FBXL2: variants seen among roughly 807,000 people sequenced by gnomAD.
FBXL2 encodes the protein F-box and leucine rich repeat protein 2, also known as F-box/LRR-repeat protein 2.
In FBXL2, 38 loss-of-function variants were observed where a neutral mutation model predicts 69.2. The observed-to-expected ratio is 0.55, with a 90% CI of 0.42 to 0.72. The LOEUF (loss-of-function observed/expected upper bound fraction) is 0.72. FBXL2 is among the 30% of genes least tolerant of loss of function. The pLI is 0.00. For missense variants in FBXL2, 354 were observed against 520.3 expected (o/e 0.68, Z 3.11); for synonymous variants, 192 against 201.3 (o/e 0.95, Z 0.39).
At chr3:33,391,749 G>A (rs1030157048), downstream of FBXL2, 4 of 152,298 alleles carry the variant, frequency 2.6e-5, no homozygotes, top group South Asian at 2.1e-4. Context: ...CTCCTGCCTC[G>A]TTTTGCCACC....
the FBXL2 span, among the ~76,000 whole-genome samples, chr3:33,421,762 A>G: frequency 6.6e-6 from 1 of 152,130 alleles, no homozygotes; most frequent in Admixed American, 6.5e-5. Context: ...AAGAATGACC[A>G]TTTCGGCTGG....
chr3:33,413,501 C>T, the FBXL2 span, among the ~76,000 whole-genome samples: 3 of 146,802 alleles, frequency 2.0e-5, no homozygotes, highest in Non-Finnish European at 4.5e-5. Context: ...GAGCCAAGTT[C>T]GCACCACTGC....
chr3:33,342,153 T>C lies in FBXL2; in HGVS notation c.66-16814T>C, dbSNP rs2040077228. 3.3e-5 allele frequency among the ~76,000 whole-genome samples: 5 copies of C among 151,264 alleles called. No individual in the cohort carries two copies. The South Asian group carries it at 1.0e-3, about 32-fold the overall frequency. ...TGGAGTAGCTGGGACTACAGGTGCCTGATACTACGCCCGGCTAATTTTTTG... is the reference window on the plus strand; with the variant it reads ...TGGAGTAGCTGGGACTACAGGTGCCCGATACTACGCCCGGCTAATTTTTTG... On this transcript the variant is annotated intron_variant, in intron 2 of 14. Coordinates refer to ENST00000484457, the MANE Select transcript of FBXL2 (RefSeq NM_012157.5).
intron 14 of FBXL2, among the ~76,000 whole-genome samples, chr3:33,384,510 C>G (rs1011355235): frequency 6.6e-6 from 1 of 151,982 alleles, no homozygotes; most frequent in Non-Finnish European, 1.5e-5. Context: ...GCAGTGAGCC[C>G]AGACTGCACC....
At chr3:33,295,246 A>G (rs571619404) in intron 1 of FBXL2, among the ~76,000 whole-genome samples, 1 of 152,142 alleles carries the variant, frequency 6.6e-6, no homozygotes, top group South Asian at 2.1e-4. Flanking sequence ...CCTCATATAC[A>G]CTCACAGTCA....
intron 2 of FBXL2, among the ~76,000 whole-genome samples, chr3:33,357,498 C>A (rs2041284611): frequency 6.7e-6 from 1 of 149,504 alleles, no homozygotes; most frequent in South Asian, 2.1e-4. Context: ...TTTTAGCCAC[C>A]AGCATTTTTC....
chr3:33,405,317 A>G (rs2044388543), downstream of FBXL2, among the ~76,000 whole-genome samples: 1 of 152,228 alleles, frequency 6.6e-6, no homozygotes, highest in South Asian at 2.1e-4. Context: ...GAATTTTTTG[A>G]ATGAACAATA....
At chr3:33,363,143 C>T (rs931841337) in intron 4 of FBXL2, among the ~76,000 whole-genome samples, 3 of 152,142 alleles carry the variant, frequency 2.0e-5, no homozygotes, top group Admixed American at 6.6e-5. Flanking sequence ...CAGGCTCAAG[C>T]GGTTCTCCTA....
chr3:33,382,683 C>G (rs1264510044), intron 13 of FBXL2: 2 of 152,204 alleles, frequency 1.3e-5, no homozygotes, highest in African/African-American at 4.8e-5. Context: ...GCATTTCAGT[C>G]AGAAACATCG....
In FBXL2 at chr3:33,400,939, A is replaced by G. The variant is rs763142474; in HGVS notation, n.1215-2295A>G. 3.8e-6 allele frequency: 6 copies of G among 1,589,358 alleles called. No homozygotes were observed. In the South Asian group the frequency reaches 7.0e-5, roughly 19 times the overall value. ...ATGTAGAACCCTGAAAGCATCAGAT[A>G]GTTTTAGGAGAAAGATACTTACTTC... On this transcript the variant is annotated intron_variant and non_coding_transcript_variant, in intron 12 of 12. Coordinates refer to the FBXL2 transcript ENST00000463736.
intron 13 of FBXL2, among the ~76,000 whole-genome samples, chr3:33,379,867 T>C (rs948706422): frequency 6.6e-6 from 1 of 152,168 alleles, no homozygotes; most frequent in African/African-American, 2.4e-5. Flanking sequence ...AACTGACTGA[T>C]GTAATCAACC....
intron 2 of FBXL2, among the ~76,000 whole-genome samples, chr3:33,309,108 T>C (rs2036962547): frequency 6.6e-6 from 1 of 152,162 alleles, no homozygotes; most frequent in Admixed American, 6.5e-5. Context: ...TCAAGTGTAG[T>C]TCAAGTACAA....
At chr3:33,326,500 C>T (rs377155809) in intron 2 of FBXL2, among the ~76,000 whole-genome samples, 5 of 142,742 alleles carry the variant, frequency 3.5e-5, no homozygotes, top group Middle Eastern at 3.6e-3. Flanking sequence ...AGCGAGACTC[C>T]GTCTCAAAAA....
intron 12 of FBXL2, among the ~76,000 whole-genome samples, chr3:33,395,644 G>C (rs574894623): frequency 2.4e-3 from 343 of 145,040 alleles, no homozygotes; most frequent in African/African-American, 8.4e-3. Context: ...AATGCTGGCC[G>C]AACACTTGTC....
intron 2 of FBXL2, among the ~76,000 whole-genome samples, chr3:33,341,759 G>A (rs1306881620): frequency 6.7e-6 from 1 of 149,500 alleles, no homozygotes; most frequent in Non-Finnish European, 1.5e-5. Context: ...GAACCCGGGA[G>A]GTGGAGGTTG....
At chr3:33,340,836 G>A (rs867382955) in intron 2 of FBXL2, among the ~76,000 whole-genome samples, 3 of 145,376 alleles carry the variant, frequency 2.1e-5, no homozygotes, top group Non-Finnish European at 4.5e-5. Flanking sequence ...AGGTTGCAGT[G>A]AGCTGAGATT....
intron 2 of FBXL2, among the ~76,000 whole-genome samples, chr3:33,358,701 G>T (rs984806958): frequency 1.3e-5 from 2 of 152,216 alleles, no homozygotes; most frequent in African/African-American, 4.8e-5. Context: ...GGTCTTTCCT[G>T]TGTCCATTAC....
intron 2 of FBXL2, among the ~76,000 whole-genome samples, chr3:33,320,177 T>C (rs986640461): frequency 1.3e-5 from 2 of 152,116 alleles, no homozygotes; most frequent in African/African-American, 2.4e-5. Flanking sequence ...AAAATAGATA[T>C]AGGGACTGCT....
chr3:33,330,878 G>C (rs1319473254), intron 2 of FBXL2, among the ~76,000 whole-genome samples: 1 of 151,336 alleles, frequency 6.6e-6, no homozygotes, highest in African/African-American at 2.4e-5. Flanking sequence ...AACAGAACGA[G>C]ACTCTGTCAC....
Sources: allele counts gnomAD v4.1 joint callset (sites outside exome capture counted in the v4.1 genomes callset), GRCh38; gene constraint gnomAD v4.1.1; transcripts MANE v1.5; gene names NCBI Gene and HGNC (gene_info 2026-07-23, HGNC 2026-07-21).